Variants in SPPL3 observed in about 807,000 individuals in gnomAD.
SPPL3 encodes signal peptide peptidase-like 3.
SPPL3 carries 5 observed loss-of-function variants against 42.4 expected under a neutral mutation model. The observed-to-expected ratio is 0.12, with a 90% CI of 0.06 to 0.25. The LOEUF (loss-of-function observed/expected upper bound fraction) is 0.25, where lower values mean the gene tolerates loss of function less well. Ranked by LOEUF, SPPL3 falls within the 10% of genes least tolerant of loss-of-function variation. SPPL3 has a pLI of 1.00. For missense variants in SPPL3, 235 were observed against 489.0 expected, an observed-to-expected ratio of 0.48 and a Z score of 4.90; for synonymous variants, 195 against 181.8, an observed-to-expected ratio of 1.07 and a Z score of -0.58.
At chr12:120,848,107 A>C (rs535731743) in intron 1 of SPPL3, among the ~76,000 whole-genome samples, 14 of 152,354 alleles carry the variant, frequency 9.2e-5, no homozygotes, top group Admixed American at 5.2e-4. Context: ...TCTGACCTGC[A>C]CTACTTACCA....
intron 4 of SPPL3, 21 bp from the exon 5 acceptor site, chr12:120,783,773 AT>A (rs1222314486): frequency 6.2e-7 from 1 of 1,606,832 alleles, no homozygotes; most frequent in Non-Finnish European, 8.5e-7. Flanking sequence ...AAAAGGTATA[AT>A]TTTTTAAAAC....
chr12:120,778,109 C>A (rs372953608), intron 6 of SPPL3, among the ~76,000 whole-genome samples: 2 of 80,600 alleles, frequency 2.5e-5, no homozygotes, highest in Admixed American at 1.7e-4. Flanking sequence ...GACTGAAAAG[C>A]AATTTTTTTT....
At chr12:120,896,935 C>G (rs926961236) in intron 1 of SPPL3, among the ~76,000 whole-genome samples, 2 of 152,162 alleles carry the variant, frequency 1.3e-5, no homozygotes, top group South Asian at 4.1e-4. Flanking sequence ...TTATGGCGAA[C>G]TGCCATGACA....
chr12:120,883,269 C>A (rs1237117800), intron 1 of SPPL3, among the ~76,000 whole-genome samples: 1 of 152,212 alleles, frequency 6.6e-6, no homozygotes, highest in East Asian at 1.9e-4. Context: ...CGCACCACTG[C>A]ACTCCAGCCT....
At position 120,782,782 on chromosome 12, in the gene SPPL3, A is replaced by C. The variant is rs1360558453; in HGVS notation, c.390-15T>G. On this transcript the variant is annotated splice_polypyrimidine_tract_variant and intron_variant, in intron 5 of 10. Coordinates refer to ENST00000353487, the MANE Select transcript of SPPL3 (RefSeq NM_139015.5). Reference sequence around the variant, plus strand: ...CAAAGGAAATCCTGGAAAACACACAACACTTATTGGACAGTGGGCACACTT... The same window carrying C: ...CAAAGGAAATCCTGGAAAACACACACCACTTATTGGACAGTGGGCACACTT... 2 of 1,573,842 alleles carry C rather than the reference A, an allele frequency of 1.3e-6. No individual in the cohort carries two copies. Among genetic ancestry groups the C allele is most frequent in the Admixed American group, 1.8e-5 (1 of 56,920 alleles).
At chr12:120,903,710 G>A (rs1298525772) in intron 1 of SPPL3, 135 bp downstream of exon 1, 3 of 749,834 alleles carry the variant, frequency 4.0e-6, no homozygotes, top group Non-Finnish European at 5.9e-6. Context: ...TGGGGAAGAG[G>A]GGGGCGTGCA....
At chr12:120,859,321 T>C (rs897001066) in intron 1 of SPPL3, among the ~76,000 whole-genome samples, 1 of 152,196 alleles carries the variant, frequency 6.6e-6, no homozygotes, top group African/African-American at 2.4e-5. Context: ...TTGGATAATT[T>C]TGGATTTTGT....
intron 1 of SPPL3, among the ~76,000 whole-genome samples, chr12:120,856,459 C>T (rs1034067168): frequency 4.0e-5 from 6 of 149,784 alleles, no homozygotes; most frequent in Non-Finnish European, 7.4e-5. Context: ...CCTTGCTACT[C>T]ACTGAGCCCC....
intron 1 of SPPL3, among the ~76,000 whole-genome samples, chr12:120,854,119 T>C (rs1041924892): frequency 4.6e-5 from 7 of 151,982 alleles, no homozygotes; most frequent in Non-Finnish European, 1.0e-4. Context: ...GAATTACTCA[T>C]GACTGTGCAA....
At chr12:120,876,016 A>ACAC (rs1555253855) in intron 1 of SPPL3, among the ~76,000 whole-genome samples, 1 of 144,026 alleles carries the variant, frequency 6.9e-6, no homozygotes, top group Non-Finnish European at 1.5e-5. Flanking sequence ...AAACAAACAG[A>ACAC]CCCCCCCCAC....
At chr12:120,882,320 A>G (rs1873314165) in intron 1 of SPPL3, among the ~76,000 whole-genome samples, 1 of 152,146 alleles carries the variant, frequency 6.6e-6, no homozygotes, top group African/African-American at 2.4e-5. Context: ...TGGGAAGATT[A>G]AAAAGTTCTG....
chr12:120,855,820 G>C (rs1468543126), intron 1 of SPPL3, among the ~76,000 whole-genome samples: 1 of 151,766 alleles, frequency 6.6e-6, no homozygotes, highest in African/African-American at 2.4e-5. Context: ...CAAATGAATG[G>C]GGGTGTACTT....
At chr12:120,845,362 C>A in intron 1 of SPPL3, 1 of 362,600 alleles carries the variant, frequency 2.8e-6, no homozygotes. Context: ...AATCATACGC[C>A]CTCTGTCAGT....
chr12:120,892,528 G>T (rs924854695), intron 1 of SPPL3, among the ~76,000 whole-genome samples: 1 of 152,148 alleles, frequency 6.6e-6, no homozygotes, highest in Non-Finnish European at 1.5e-5. Flanking sequence ...CATAAAAGAG[G>T]AAACAGAAGT....
chr12:120,766,656 T>C (rs992706903), intron 9 of SPPL3, among the ~76,000 whole-genome samples: 4 of 152,212 alleles, frequency 2.6e-5, no homozygotes, highest in Admixed American at 2.0e-4. Context: ...TCTCCTGTGA[T>C]GCTGGACTTG....
At chr12:120,839,160 A>G (rs1871720691) in intron 1 of SPPL3, among the ~76,000 whole-genome samples, 1 of 151,782 alleles carries the variant, frequency 6.6e-6, no homozygotes, top group Non-Finnish European at 1.5e-5. Flanking sequence ...CATATACACC[A>G]TGGAATACTA....
rs556271014 is a variant in SPPL3, at chr12:120,788,738, A to C, written c.190+2731T>G. Among the ~76,000 whole-genome samples, 4 of 152,330 alleles carry C rather than the reference A, an allele frequency of 2.6e-5. No individual in the cohort carries two copies. The South Asian group carries it at 8.3e-4, about 32-fold the overall frequency. ...TACAATCTTTTAAAAACTTCTGATT[A>C]CTGTCTCCTTCAATCAGTCTGAAAC... On this transcript the variant is annotated intron_variant, in intron 3 of 10. Coordinates refer to ENST00000353487, the MANE Select transcript of SPPL3 (RefSeq NM_139015.5).
At chr12:120,862,012 A>C (rs867871775) in intron 1 of SPPL3, among the ~76,000 whole-genome samples, 1 of 152,206 alleles carries the variant, frequency 6.6e-6, no homozygotes, top group African/African-American at 2.4e-5. Flanking sequence ...CATGAATTAC[A>C]ATGTAGGCAG....
At chr12:120,882,397 C>A (rs542968954) in intron 1 of SPPL3, among the ~76,000 whole-genome samples, 3 of 152,208 alleles carry the variant, frequency 2.0e-5, no homozygotes, top group South Asian at 4.1e-4. Context: ...TTCAGTGACA[C>A]TTAAAATGGT....
Sources: allele counts gnomAD v4.1 joint callset (sites outside exome capture counted in the v4.1 genomes callset), GRCh38; gene constraint gnomAD v4.1.1; transcripts MANE v1.5; gene names NCBI Gene and HGNC (gene_info 2026-07-23, HGNC 2026-07-21).